The following XRN1 variants were observed in gnomAD, a reference collection of about 807,000 sequenced individuals.
The protein encoded by XRN1 is 5'-3' exoribonuclease 1.
Under a neutral mutation model 222.3 loss-of-function variants are expected in XRN1, and 67 were observed. That is an observed-to-expected ratio of 0.30 (90% confidence interval 0.25 to 0.37). The LOEUF (loss-of-function observed/expected upper bound fraction) is 0.37, where lower values mean the gene tolerates loss of function less well. Ranked by LOEUF, XRN1 falls within the 10% of genes least tolerant of loss-of-function variation. The pLI, the probability that XRN1 is intolerant of heterozygous loss-of-function variation, is 1.00. For synonymous variants in XRN1, 643 were observed against 652.4 expected (o/e 0.99, Z 0.22); for missense variants, 1,707 against 2,000.2 (o/e 0.85, Z 2.80).
At chr3:142,355,196 T>A in intron 32 of XRN1, 1 of 289,026 alleles carries the variant, frequency 3.5e-6, no homozygotes, top group East Asian at 6.1e-5. Context: ...AGTATATTCA[T>A]GTAACAAACC....
At chr3:142,325,343 TG>T (rs1202717703) in intron 37 of XRN1, among the ~76,000 whole-genome samples, 2 of 152,200 alleles carry the variant, frequency 1.3e-5, no homozygotes, top group Non-Finnish European at 1.5e-5. Context: ...TTCATATACC[TG>T]TTGGCCATTT....
chr3:142,447,597 ACTT>A lies in XRN1; in HGVS notation c.75+270_75+272del, dbSNP rs1378487123. Among the ~76,000 whole-genome samples the A allele has an allele frequency of 1.3e-5, 2 of 152,150 alleles. No homozygotes were observed. The highest frequency in any genetic ancestry group is 4.8e-5 in the African/African-American group (2 of 41,430). ...AACAGTAAAAGCGTTCTTTCCCAGG[ACTT>A]CATTTCGGAGTCGCGGAAGGACCAG... On this transcript the variant is annotated intron_variant, in intron 1 of 40. Transcript: ENST00000392981. This position sits in a 1 kb window ranked among gnomAD's most constrained non-coding sequence, Gnocchi z 4.2.
chr3:142,423,627 T>A lies in XRN1; in HGVS notation c.643A>T (p.Thr215Ser). Residue 215 changes from threonine to serine, a missense_variant, in exon 6 of 41, where the codon ACA becomes TCA. Coordinates refer to ENST00000392981, the MANE Select transcript of XRN1 (RefSeq NM_001282857.2). ...AGAGAAAAATGTGCCTCATGACTTG[T>A]TAATCCAAGCATAATCTGTTGAAAA... ...LDADLIMLGL[T>S]SHEAHFSLLR... 2 of 1,593,684 alleles carry A rather than the reference T, an allele frequency of 1.3e-6. No individual in the cohort carries two copies. Among genetic ancestry groups the A allele is most frequent in the Non-Finnish European group, 1.7e-6 (2 of 1,172,702 alleles).
At position 142,434,371 on chromosome 3, in the gene XRN1, T is replaced by A. The variant is rs76375014; in HGVS notation, c.76-1478A>T. 6.1e-3 allele frequency among the ~76,000 whole-genome samples: 929 copies of A among 152,194 alleles called. 33 individuals are homozygous for A. The East Asian group carries it at 0.12, about 19-fold the overall frequency. On this transcript the variant is annotated intron_variant, in intron 1 of 40. Coordinates refer to ENST00000392981, the MANE Select transcript of XRN1 (RefSeq NM_001282857.2). ...CTTTTGTATGAAAAAATACCAGCCA[T>A]GTTGCCCAGGTTGGTCTTGAATTCC...
intron 3 of XRN1, among the ~76,000 whole-genome samples, chr3:142,426,324 C>G (rs1388713912): frequency 6.6e-6 from 1 of 152,142 alleles, no homozygotes; most frequent in Non-Finnish European, 1.5e-5. Flanking sequence ...TTTTGAGAAG[C>G]AGAGTAGTAA....
rs1210138009 is a variant in XRN1 at position 142,405,088 on chromosome 3, G to T, written c.1714-12C>A. 2 of 1,612,392 alleles carry T rather than the reference G, an allele frequency of 1.2e-6. No homozygotes were observed. Among genetic ancestry groups the T allele is most frequent in the African/African-American group, 1.3e-5 (1 of 74,934 alleles). Reference sequence around the variant, plus strand: ...TCCAATAATCGCTTCTGAATATAAGGATTGAAGAGAAGGGTTACAAGCATA... The same window carrying T: ...TCCAATAATCGCTTCTGAATATAAGTATTGAAGAGAAGGGTTACAAGCATA... On this transcript the variant is annotated splice_polypyrimidine_tract_variant and intron_variant, in intron 15 of 40. Coordinates refer to ENST00000392981, the MANE Select transcript of XRN1 (RefSeq NM_001282857.2).
In XRN1 at chr3:142,411,823, T is replaced by A. The variant is rs929183052; in HGVS notation, c.1713+721A>T. ...AAATCTTCTTTATACTTACTGAAAA[T>A]TTTTTTTTTTTTTTTTTTGAGATGG... On this transcript the variant is annotated intron_variant, in intron 15 of 40. Transcript: ENST00000392981. 6.9e-3 allele frequency among the ~76,000 whole-genome samples: 969 copies of A among 139,612 alleles called. 5 individuals are homozygous for A. The highest frequency in any genetic ancestry group is 0.011 in the Non-Finnish European group (688 of 64,328). 91.6% of individuals were successfully genotyped at this position (139,612 alleles called of 152,430 possible).
At chr3:142,373,166 T>C (rs1046878273) in intron 25 of XRN1, among the ~76,000 whole-genome samples, 1 of 152,144 alleles carries the variant, frequency 6.6e-6, no homozygotes, top group Admixed American at 6.5e-5. Flanking sequence ...TAAATGAAGA[T>C]ATTCCATTCA....
intron 5 of XRN1, among the ~76,000 whole-genome samples, chr3:142,423,936 A>T (rs979705008): frequency 1.3e-5 from 2 of 151,980 alleles, no homozygotes; most frequent in Admixed American, 6.6e-5. Flanking sequence ...TGGTTTTCAC[A>T]TATTTCTACT....
At chr3:142,318,746 G>T in intron 38 of XRN1, 44 bp downstream of exon 38, 2 of 1,609,378 alleles carry the variant, frequency 1.2e-6, no homozygotes, top group African/African-American at 1.3e-5. Flanking sequence ...CTTTCTATAG[G>T]GACTAATAAA....
chr3:142,313,171 C>A, intron 39 of XRN1: 1 of 1,612,584 alleles, frequency 6.2e-7, no homozygotes, highest in Non-Finnish European at 8.5e-7. Context: ...ATAGTGATCC[C>A]AGCCTACAAA....
chr3:142,347,471 G>GTCTC, intron 32 of XRN1, 129 bp from the exon 33 acceptor site: 3 of 558,994 alleles, frequency 5.4e-6, no homozygotes, highest in South Asian at 4.1e-5. Flanking sequence ...ATACAGAAAA[G>GTCTC]TATAGAGACT....
chr3:142,384,504 A>C lies in XRN1; in HGVS notation c.2502+19T>G. On this transcript the variant is annotated intron_variant, in intron 21 of 40. Transcript: ENST00000392981. ...AATAGTGTATATTAAGACAGAATTG[A>C]AACTTGATATAGACTTACCTTGACA... is the stretch of plus-strand genomic sequence containing the variant. 1.3e-6 allele frequency: 2 copies of C among 1,596,858 alleles called. No homozygotes were observed. Among genetic ancestry groups the C allele is most frequent in the Non-Finnish European group, 1.7e-6 (2 of 1,173,006 alleles).
chr3:142,376,556 G>A lies in XRN1; in HGVS notation c.2754C>T (p.Ala918=). 6.2e-7 allele frequency: 1 copy of A among 1,613,030 alleles called. No homozygotes were observed. The highest frequency in any genetic ancestry group is 8.5e-7 in the Non-Finnish European group (1 of 1,179,396). The change falls in exon 24 of 41, where the codon GCC becomes GCT. Residue 918 remains alanine (A), a synonymous_variant. Transcript: ENST00000392981. ...GGTATCCACTCACTCCAAGGCGACT[G>A]GCCAACACATATCCTGGGTTGTACT... is the stretch of plus-strand genomic sequence containing the variant. The part of the protein sequence containing the change: ...SIKYNPGYVL[A]SRLGVSGYLV...
At chr3:142,382,799 CTATATACACAGA>C (rs933573070) in intron 22 of XRN1, among the ~76,000 whole-genome samples, 25 of 152,014 alleles carry the variant, frequency 1.6e-4, no homozygotes, top group Non-Finnish European at 3.1e-4. Flanking sequence ...ATATATGTGC[CTATATACACAGA>C]TATACAAACA....
intron 29 of XRN1, among the ~76,000 whole-genome samples, chr3:142,361,754 G>C (rs958962923): frequency 2.6e-5 from 4 of 151,956 alleles, no homozygotes; most frequent in Non-Finnish European, 5.9e-5. Flanking sequence ...TAAAATATCT[G>C]TTCAGCTATT....
At chr3:142,370,818 T>A (rs2066965214) in intron 26 of XRN1, among the ~76,000 whole-genome samples, 198 bp from the exon 27 acceptor site, 1 of 152,056 alleles carries the variant, frequency 6.6e-6, no homozygotes, top group Non-Finnish European at 1.5e-5. Flanking sequence ...AAGTATTTGT[T>A]GATATAAATG....
chr3:142,365,855 C>T (rs181638245), intron 27 of XRN1, among the ~76,000 whole-genome samples: 4 of 152,244 alleles, frequency 2.6e-5, no homozygotes, highest in South Asian at 4.1e-4. Context: ...AAAAGAATTA[C>T]ATACAATGGC....
At chr3:142,390,930 G>A (rs376399050) in intron 20 of XRN1, among the ~76,000 whole-genome samples, 24 of 152,200 alleles carry the variant, frequency 1.6e-4, no homozygotes, top group African/African-American at 5.3e-4. Context: ...AATAGGGAAA[G>A]AGAAAGAGAC....
Sources: gnomAD v4.1 joint callset for allele counts (sites outside exome capture counted in the v4.1 genomes callset) on GRCh38, gnomAD v4.1.1 for gene constraint, Gnocchi (gnomAD v3.1) non-coding constraint, MANE v1.5 for transcripts, NCBI Gene and HGNC (gene_info 2026-07-23, HGNC 2026-07-21) for gene names.